RALYL: variants seen among roughly 807,000 people sequenced by gnomAD.
RALYL encodes RNA-binding Raly-like protein.
A neutral mutation model predicts 35.1 loss-of-function variants in RALYL; 29 were observed. The ratio of observed to expected loss-of-function variants is 0.83; its 90% CI spans 0.61 to 1.13. The LOEUF (loss-of-function observed/expected upper bound fraction) is 1.13. RALYL is among the 50% of genes most tolerant of loss of function. The pLI, the probability that RALYL is intolerant of heterozygous loss-of-function variation, is 0.00. For missense variants in RALYL, 359 were observed against 360.4 expected (o/e 1.00, Z 0.03); for synonymous variants, 120 against 127.6 (o/e 0.94, Z 0.40).
At position 84,896,204 on chromosome 8, in the gene RALYL, A is replaced by G. The variant is rs1162335336; in HGVS notation, c.858+8428A>G. Among the ~76,000 whole-genome samples, 5 of 152,186 alleles carry G rather than the reference A, an allele frequency of 3.3e-5. No homozygotes were observed. The East Asian group carries it at 9.7e-4, about 29-fold the overall frequency. On this transcript the variant is annotated intron_variant, in intron 8 of 8. Coordinates refer to ENST00000521268, the MANE Select transcript of RALYL (RefSeq NM_173848.7). Reference sequence around the variant, plus strand: ...GGTGCACTTGGTGTAAGATCCCTTCAGGTCTCATTGTGCCAGAGAAGCCAC... The same window carrying G: ...GGTGCACTTGGTGTAAGATCCCTTCGGGTCTCATTGTGCCAGAGAAGCCAC...
At chr8:84,555,711 C>G (rs1433059450) in intron 2 of RALYL, among the ~76,000 whole-genome samples, 3 of 152,170 alleles carry the variant, frequency 2.0e-5, no homozygotes, top group Non-Finnish European at 4.4e-5. Context: ...TGCCACTTAA[C>G]ATATGCTAGA....
intron 1 of RALYL, among the ~76,000 whole-genome samples, chr8:84,324,399 T>C (rs1845423471): frequency 6.6e-6 from 1 of 152,050 alleles, no homozygotes; most frequent in Non-Finnish European, 1.5e-5. Context: ...CATTTACTAG[T>C]GACCTTTTTA....
chr8:84,457,987 C>T (rs564510491), intron 1 of RALYL, among the ~76,000 whole-genome samples: 33 of 151,912 alleles, frequency 2.2e-4, no homozygotes, highest in African/African-American at 8.0e-4. Flanking sequence ...GTGCCAAGCA[C>T]AGCTTCTGAC....
intron 1 of RALYL, among the ~76,000 whole-genome samples, chr8:84,207,820 GTATATA>G (rs3078265): frequency 0.23 from 34,016 of 145,970 alleles, 3,881 homozygotes; most frequent in Non-Finnish European, 0.27. Flanking sequence ...GTGTGTGTGT[GTATATA>G]TATATATATA....
chr8:84,307,370 A>G (rs117906217), intron 1 of RALYL, among the ~76,000 whole-genome samples: 2,767 of 152,270 alleles, frequency 0.018, 37 homozygotes, highest in South Asian at 0.03. Flanking sequence ...GAATATCATG[A>G]ATCAGGGCTT....
At position 84,529,223 on chromosome 8, in the gene RALYL, A is replaced by G. The variant is rs2059110754; in HGVS notation, c.-23-76A>G. On this transcript the variant is annotated intron_variant, in intron 1 of 8. Transcript: ENST00000521268. ...GAGTGTAATATTGAAAAACTGTTAA[A>G]AAGCCACTGATACCCATTCGATCTA... The G allele has an allele frequency of 8.9e-6, 13 of 1,467,382 alleles. No homozygotes were observed. In the East Asian group the frequency reaches 3.2e-4, roughly 36 times the overall value. The allele number at this position is 1,467,382 out of a possible 1,614,324, so 90.9% of individuals were successfully genotyped here.
chr8:84,614,054 C>A (rs1300698804), intron 2 of RALYL, among the ~76,000 whole-genome samples: 2 of 151,076 alleles, frequency 1.3e-5, no homozygotes, highest in Non-Finnish European at 1.5e-5. Context: ...TAGGCCTTAG[C>A]GTCCTCATCT....
At chr8:84,352,167 T>C (rs1439274617) in intron 1 of RALYL, among the ~76,000 whole-genome samples, 5 of 150,374 alleles carry the variant, frequency 3.3e-5, no homozygotes, top group East Asian at 1.9e-4. Context: ...AGACTTTTTT[T>C]CCCCTCCAAT....
intron 1 of RALYL, among the ~76,000 whole-genome samples, chr8:84,381,665 T>C (rs1423826600): frequency 1.3e-5 from 2 of 151,948 alleles, no homozygotes; most frequent in Admixed American, 6.6e-5. Context: ...GCTCTTAACC[T>C]TCTCCCAATC....
intron 1 of RALYL, among the ~76,000 whole-genome samples, chr8:84,204,922 T>G (rs1255796487): frequency 6.6e-6 from 1 of 152,170 alleles, no homozygotes; most frequent in African/African-American, 2.4e-5. Context: ...GCTTTATTGT[T>G]TTTATTCCTA....
At chr8:84,753,203 C>G (rs74335133) in intron 2 of RALYL, among the ~76,000 whole-genome samples, 3,086 of 152,274 alleles carry the variant, frequency 0.02, 99 homozygotes, top group African/African-American at 0.07. Flanking sequence ...TTCAGAATTG[C>G]AGGGGGCCTG....
At chr8:84,817,508 T>C (rs185395658) in intron 4 of RALYL, among the ~76,000 whole-genome samples, 1 of 151,048 alleles carries the variant, frequency 6.6e-6, no homozygotes, top group East Asian at 1.9e-4. Context: ...CTCCATTTGC[T>C]CACTTAAGGT....
chr8:84,206,384 C>T (rs7845564), intron 1 of RALYL, among the ~76,000 whole-genome samples: 35,173 of 151,936 alleles, frequency 0.23, 4,180 homozygotes, highest in Non-Finnish European at 0.27. Flanking sequence ...GTGTTCTTTG[C>T]TCAGTCACTC....
intron 2 of RALYL, among the ~76,000 whole-genome samples, chr8:84,636,480 G>A (rs1339266795): frequency 2.6e-5 from 4 of 151,728 alleles, no homozygotes; most frequent in Non-Finnish European, 4.4e-5. Context: ...AAAGCAACCC[G>A]AATAGTAGCT....
intron 1 of RALYL, among the ~76,000 whole-genome samples, chr8:84,392,459 C>T (rs1860911078): frequency 6.6e-6 from 1 of 151,796 alleles, no homozygotes; most frequent in South Asian, 2.1e-4. Flanking sequence ...AATTGAATCA[C>T]AGCTGCTTTA....
chr8:84,449,078 G>GTTT (rs1554671924), intron 1 of RALYL, among the ~76,000 whole-genome samples: 114 of 124,266 alleles, frequency 9.2e-4, no homozygotes, highest in African/African-American at 1.5e-3. Flanking sequence ...TAGTTTTTTT[G>GTTT]TTTTTTTTTT....
chr8:84,555,148 A>C (rs568358812), intron 2 of RALYL, among the ~76,000 whole-genome samples: 1 of 152,014 alleles, frequency 6.6e-6, no homozygotes, highest in East Asian at 2.0e-4. Context: ...GCGTGGTGGC[A>C]CACGCCTGTA....
At chr8:84,668,207 A>T (rs1832459908) in intron 2 of RALYL, among the ~76,000 whole-genome samples, 1 of 152,140 alleles carries the variant, frequency 6.6e-6, no homozygotes, top group Non-Finnish European at 1.5e-5. Flanking sequence ...TGCTAGCTTT[A>T]AGGGATTCAA....
At chr8:84,242,736 G>A (rs7841089) in intron 1 of RALYL, among the ~76,000 whole-genome samples, 86,573 of 151,930 alleles carry the variant, frequency 0.57, 24,821 homozygotes, top group South Asian at 0.65. Context: ...TGGACATTAG[G>A]CTTTTTTCAG....
Sources: gnomAD v4.1 joint callset for allele counts (sites outside exome capture counted in the v4.1 genomes callset) on GRCh38, gnomAD v4.1.1 for gene constraint, MANE v1.5 for transcripts, NCBI Gene and HGNC (gene_info 2026-07-23, HGNC 2026-07-21) for gene names.